BCAS3: variants seen among roughly 807,000 people sequenced by gnomAD.
BCAS3 encodes the protein BCAS3 microtubule associated cell migration factor.
In BCAS3, 53 loss-of-function variants were observed where a neutral mutation model predicts 116.1. The ratio of observed to expected loss-of-function variants is 0.46; its 90% CI spans 0.37 to 0.57. BCAS3 has a LOEUF of 0.57. Ranked by LOEUF, BCAS3 falls within the 20% of genes least tolerant of loss-of-function variation. The pLI, the probability that BCAS3 is intolerant of heterozygous loss-of-function variation, is 0.00. For missense variants in BCAS3, 917 were observed against 1,165.4 expected, an observed-to-expected ratio of 0.79 and a Z score of 3.10; for synonymous variants, 391 against 408.2, an observed-to-expected ratio of 0.96 and a Z score of 0.51.
chr17:61,359,419 C>T (rs534922542), intron 22 of BCAS3, among the ~76,000 whole-genome samples: 4 of 149,210 alleles, frequency 2.7e-5, no homozygotes, highest in East Asian at 3.9e-4. Flanking sequence ...GGTAGAACAG[C>T]GGGTTTTTTA....
chr17:60,734,614 T>C (rs988914123), intron 5 of BCAS3, among the ~76,000 whole-genome samples: 4 of 152,228 alleles, frequency 2.6e-5, no homozygotes, highest in African/African-American at 9.6e-5. Flanking sequence ...TTATCTGTGC[T>C]ATTATGTCAA....
chr17:61,089,509 CTTTTTTTTTTTTTTTTTTTTTTT>C (rs71370187), intron 22 of BCAS3, among the ~76,000 whole-genome samples: 6 of 26,722 alleles, frequency 2.2e-4, no homozygotes, highest in African/African-American at 6.6e-4. Flanking sequence ...GAGTTTCACT[CTTTTTTTTTTTTTTTTTTTTTTT>C]TTTTTTTTTT....
At position 60,911,123 on chromosome 17, in the gene BCAS3, C is replaced by CTTTTTTTTTTTTTTTTTTTTTTT. The variant is rs1162942971; in HGVS notation, c.993+438_993+439insTTTTTTTTTTTTTTTTTTTTTTT. ...AATAAATTTTTTTCTTTTTTTCTTT[C>CTTTTTTTTTTTTTTTTTTTTTTT]TTTTTTTTTTTTTTTTTGAGATGGA... On this transcript the variant is annotated intron_variant, in intron 12 of 23. Coordinates refer to ENST00000407086, the MANE Select transcript of BCAS3 (RefSeq NM_017679.5). Among the ~76,000 whole-genome samples the CTTTTTTTTTTTTTTTTTTTTTTT allele has an allele frequency of 1.1e-4, 10 of 88,256 alleles. 1 individual carries two copies. Among genetic ancestry groups the CTTTTTTTTTTTTTTTTTTTTTTT allele is most frequent in the South Asian group, 4.1e-4 (1 of 2,410 alleles). 57.9% of individuals were successfully genotyped at this position (88,256 alleles called of 152,430 possible). A position where few individuals can be genotyped will look rare whatever the true frequency, so the allele number is the denominator to read the frequency against.
rs1301483539 is a variant in BCAS3, at chr17:61,367,365, G to T, written c.2426-962G>T. 6.6e-6 allele frequency among the ~76,000 whole-genome samples: 1 copy of T among 152,180 alleles called. No homozygotes were observed. The highest frequency in any genetic ancestry group is 1.5e-5 in the Non-Finnish European group (1 of 68,022). ...GTGGATGAAATAAGCTTTCACAGAA[G>T]ACTTGCTGTATAATAAAGTAGAATA... is the stretch of plus-strand genomic sequence containing the variant. On this transcript the variant is annotated intron_variant, in intron 22 of 23. Transcript: ENST00000407086. The surrounding 1 kb of genome is among the most constrained non-coding windows in gnomAD (Gnocchi z 6.2).
At chr17:60,809,423 A>C (rs59682026) in intron 7 of BCAS3, among the ~76,000 whole-genome samples, 4,486 of 152,316 alleles carry the variant, frequency 0.029, 188 homozygotes, top group African/African-American at 0.099. Context: ...ATCTTTGCAC[A>C]ATAACAGTGG....
In BCAS3 at chr17:61,220,346, C is replaced by T. The variant is rs1414732141; in HGVS notation, c.2425+135782C>T. Reference sequence around the variant, plus strand: ...GAAGTTTTCTCATTTGATGGAGTCACAATAATCTATTTGGAGAATATCAGG... The same window carrying T: ...GAAGTTTTCTCATTTGATGGAGTCATAATAATCTATTTGGAGAATATCAGG... On this transcript the variant is annotated intron_variant, in intron 22 of 23. Coordinates refer to ENST00000407086, the MANE Select transcript of BCAS3 (RefSeq NM_017679.5). The surrounding 1 kb of genome is among the most constrained non-coding windows in gnomAD (Gnocchi z 4.5). Among the ~76,000 whole-genome samples the T allele has an allele frequency of 6.6e-6, 1 of 152,044 alleles. No homozygotes were observed. Among genetic ancestry groups the T allele is most frequent in the African/African-American group, 2.4e-5 (1 of 41,400 alleles).
At chr17:61,089,631 G>A (rs2073379483) in intron 22 of BCAS3, among the ~76,000 whole-genome samples, 1 of 141,738 alleles carries the variant, frequency 7.1e-6, no homozygotes, top group African/African-American at 2.6e-5. Context: ...CTGGGTTCAA[G>A]CCATTCTCCT....
chr17:61,159,145 A>G (rs975176845), intron 22 of BCAS3, among the ~76,000 whole-genome samples: 2 of 152,122 alleles, frequency 1.3e-5, no homozygotes, highest in African/African-American at 2.4e-5. Flanking sequence ...ATTACTCCAT[A>G]AGAATTACAC....
chr17:60,889,540 A>G (rs2056990331), intron 9 of BCAS3, among the ~76,000 whole-genome samples, 155 bp from the exon 10 acceptor site: 1 of 152,256 alleles, frequency 6.6e-6, no homozygotes, highest in South Asian at 2.1e-4. Context: ...CACCTTACTT[A>G]GCTAACAAAA....
rs1391503595 is a variant in BCAS3, at chr17:61,344,717, A to G, written c.2426-23610A>G. Among the ~76,000 whole-genome samples the G allele has an allele frequency of 6.6e-6, 1 of 152,096 alleles. No individual in the cohort carries two copies. The highest frequency in any genetic ancestry group is 6.5e-5 in the Admixed American group (1 of 15,270). ...GCGAAGATGTAAAGGCCCTGGGGTGAAAGGAAGGAGGTTGTTGGAGGGACT... is the reference window on the plus strand; with the variant it reads ...GCGAAGATGTAAAGGCCCTGGGGTGGAAGGAAGGAGGTTGTTGGAGGGACT... On this transcript the variant is annotated intron_variant, in intron 22 of 23. Coordinates refer to ENST00000407086, the MANE Select transcript of BCAS3 (RefSeq NM_017679.5). The surrounding 1 kb of genome is among the most constrained non-coding windows in gnomAD (Gnocchi z 4.1).
chr17:61,170,057 G>A (rs991870306), intron 22 of BCAS3, among the ~76,000 whole-genome samples: 2 of 151,962 alleles, frequency 1.3e-5, no homozygotes, highest in South Asian at 2.1e-4. Context: ...GTTTCACCAC[G>A]TTGGCCAGGC....
chr17:60,687,854 CA>C (rs1211181538), intron 3 of BCAS3, among the ~76,000 whole-genome samples: 1 of 152,160 alleles, frequency 6.6e-6, no homozygotes, highest in African/African-American at 2.4e-5. Flanking sequence ...GAGTAAAAAA[CA>C]CCATGTCCAC....
intron 19 of BCAS3, chr17:61,070,146 C>T (rs755133497): frequency 1.3e-6 from 2 of 1,567,288 alleles, no homozygotes; most frequent in Non-Finnish European, 1.7e-6. Context: ...AGACAGAAGA[C>T]AACAACACAC....
chr17:61,167,068 A>G lies in BCAS3; in HGVS notation c.2425+82504A>G, dbSNP rs543840853. 4.2e-4 allele frequency among the ~76,000 whole-genome samples: 64 copies of G among 152,308 alleles called. 1 individual carries two copies. In the East Asian group the frequency reaches 0.01, roughly 25 times the overall value. On this transcript the variant is annotated intron_variant, in intron 22 of 23. Coordinates refer to ENST00000407086, the MANE Select transcript of BCAS3 (RefSeq NM_017679.5). The stretch of plus-strand genomic sequence containing the variant: ...AGCCGAGCACTTCCTTAAAGAATCT[A>G]TTTATTTTGTGAAATAGGTAAATAT...
intron 22 of BCAS3, among the ~76,000 whole-genome samples, chr17:61,329,371 C>G (rs1308746707): frequency 7.3e-6 from 1 of 137,594 alleles, no homozygotes; most frequent in Non-Finnish European, 1.6e-5. Flanking sequence ...GACGGAGTCT[C>G]GCTCTGTCGC....
intron 7 of BCAS3, among the ~76,000 whole-genome samples, chr17:60,844,223 G>T (rs1431893530): frequency 1.3e-5 from 2 of 152,158 alleles, no homozygotes; most frequent in Non-Finnish European, 2.9e-5. Flanking sequence ...GCCCGTCTCG[G>T]CCTCCCAAAA....
Position 61,392,294 on chromosome 17 carries a change from C to A in BCAS3, c.*169C>A. 1 of 795,394 alleles carries A rather than the reference C, an allele frequency of 1.3e-6. No homozygotes were observed. Among genetic ancestry groups the A allele is most frequent in the Non-Finnish European group, 1.9e-6 (1 of 515,190 alleles). 49.3% of individuals were successfully genotyped at this position (795,394 alleles called of 1,614,324 possible). On this transcript the variant is annotated 3_prime_UTR_variant, in exon 24 of 24. Coordinates refer to ENST00000407086, the MANE Select transcript of BCAS3 (RefSeq NM_017679.5). The surrounding 1 kb of genome is among the most constrained non-coding windows in gnomAD (Gnocchi z 6.4). ...CCTGGATGGAGAAGAGACCCTTCTC[C>A]AAGCACCTCAGCGCACTTGCCCTCT...
At chr17:61,266,436 T>C (rs1175064336) in intron 22 of BCAS3, among the ~76,000 whole-genome samples, 2 of 152,228 alleles carry the variant, frequency 1.3e-5, no homozygotes, top group East Asian at 3.8e-4. Flanking sequence ...AGCAATTTCA[T>C]TTCAGGCAAG....
chr17:61,057,844 T>C (rs2069549307), intron 19 of BCAS3, among the ~76,000 whole-genome samples: 1 of 152,170 alleles, frequency 6.6e-6, no homozygotes, highest in African/African-American at 2.4e-5. Context: ...TTTCCAAGAA[T>C]ACCTAGAAAT....
Sources: allele counts gnomAD v4.1 joint callset (sites outside exome capture counted in the v4.1 genomes callset), GRCh38; gene constraint gnomAD v4.1.1; non-coding constraint Gnocchi (gnomAD v3.1); transcripts MANE v1.5; gene names NCBI Gene and HGNC (gene_info 2026-07-23, HGNC 2026-07-21).